CACNA1B: variants seen among roughly 807,000 people sequenced by gnomAD.
CACNA1B encodes the protein voltage-dependent N-type calcium channel subunit alpha-1B.
CACNA1B carries 70 observed loss-of-function variants against 247.2 expected under a neutral mutation model. The observed-to-expected ratio is 0.28, with a 90% CI of 0.23 to 0.35. CACNA1B has a LOEUF of 0.35. Ranked by LOEUF, CACNA1B falls within the 10% of genes least tolerant of loss-of-function variation. The pLI, the probability that CACNA1B is intolerant of heterozygous loss-of-function variation, is 1.00. For synonymous variants in CACNA1B, 1,231 were observed against 1,294.4 expected, an observed-to-expected ratio of 0.95 and a Z score of 1.05; for missense variants, 2,367 against 3,197.4, an observed-to-expected ratio of 0.74 and a Z score of 6.26.
At position 137,880,421 on chromosome 9, in the gene CACNA1B, G is replaced by A. The variant is rs920342232; in HGVS notation, c.390+1262G>A. Among the ~76,000 whole-genome samples, 1 of 152,058 alleles carries A rather than the reference G, an allele frequency of 6.6e-6. No homozygotes were observed. Among genetic ancestry groups the A allele is most frequent in the African/African-American group, 2.4e-5 (1 of 41,398 alleles). ...TTCTGGAGGCTGGAGAAGAGGGTGA[G>A]CTTGAGAGGAAACAGGCAGAGAGCC... On this transcript the variant is annotated intron_variant, in intron 2 of 46. Coordinates refer to ENST00000371372, the MANE Select transcript of CACNA1B (RefSeq NM_000718.4). This position sits in a 1 kb window ranked among gnomAD's most constrained non-coding sequence, Gnocchi z 4.8.
At chr9:137,989,548 G>T (rs969424398) in intron 15 of CACNA1B, among the ~76,000 whole-genome samples, 1 of 152,138 alleles carries the variant, frequency 6.6e-6, no homozygotes, top group African/African-American at 2.4e-5. Flanking sequence ...AATCTTATAC[G>T]CTGCCCTAGA....
intron 36 of CACNA1B, among the ~76,000 whole-genome samples, chr9:138,094,418 T>C (rs1181807778): frequency 7.2e-6 from 1 of 138,912 alleles, no homozygotes; most frequent in African/African-American, 2.6e-5. Context: ...ATGGAAATTT[T>C]TTTGTTATGT....
Position 137,986,707 on chromosome 9 carries a change from G to GCCAA in CACNA1B, c.1902-72_1902-71insACCA. ...TGCAGCCTGAAGCGAGCAGGTTGAG[G>GCCAA]CCACGCTGGAGCCTGCAGGCGCTGC... On this transcript the variant is annotated intron_variant, in intron 14 of 46. Coordinates refer to ENST00000371372, the MANE Select transcript of CACNA1B (RefSeq NM_000718.4). The surrounding 1 kb of genome is among the most constrained non-coding windows in gnomAD (Gnocchi z 6.0). 3.5e-6 allele frequency: 5 copies of GCCAA among 1,420,308 alleles called. No homozygotes were observed. Among genetic ancestry groups the GCCAA allele is most frequent in the Non-Finnish European group, 5.0e-6 (5 of 1,004,392 alleles). The allele number at this position is 1,420,308 out of a possible 1,614,324, so 88.0% of individuals were successfully genotyped here. A position where few individuals can be genotyped will look rare whatever the true frequency, so the allele number is the denominator to read the frequency against.
In CACNA1B at chr9:138,043,880, C is replaced by G. The variant is rs1376922058; in HGVS notation, c.3393C>G (p.Phe1131Leu). The G allele has an allele frequency of 1.2e-6, 2 of 1,613,692 alleles. No homozygotes were observed. Among genetic ancestry groups the G allele is most frequent in the African/African-American group, 2.7e-5 (2 of 74,926 alleles). Residue 1131 changes from phenylalanine (F) to leucine (L), a missense_variant, in exon 21 of 47, where the codon TTC becomes TTG. This residue lies in a region of CACNA1B where 631 missense variants were observed against 631.1 expected (regional missense o/e 1.00). Coordinates refer to ENST00000371372, the MANE Select transcript of CACNA1B (RefSeq NM_000718.4). ...CTATCGTCCCATACAGCTCCATGTTCTGTTTAAGCCCCACCAACCTGTGAG... is the reference window on the plus strand; with the variant it reads ...CTATCGTCCCATACAGCTCCATGTTGTGTTTAAGCCCCACCAACCTGTGAG... ...PRPIVPYSSM[F>L]CLSPTNLLRR...
In CACNA1B at chr9:138,049,310, T is replaced by C. The variant is rs753382451; in HGVS notation, c.3705T>C (p.Ala1235=). 8 of 1,598,910 alleles carry C rather than the reference T, an allele frequency of 5.0e-6. No homozygotes were observed. Among genetic ancestry groups the C allele is most frequent in the Non-Finnish European group, 6.9e-6 (8 of 1,166,258 alleles). The stretch of plus-strand genomic sequence containing the variant: ...TCAGTGGCGCCCTGGTGGCGTTTGC[T>C]TTCTCGTAAGTAACGTTCGCTCTGC... ...IVVSGALVAF[A]FSGSKGKDIN... is the part of the protein sequence containing the mutation. The change falls in exon 24 of 47, where the codon GCT becomes GCC. Residue 1235 remains alanine, a synonymous_variant. Transcript: ENST00000371372.
intron 20 of CACNA1B, among the ~76,000 whole-genome samples, chr9:138,038,255 C>T (rs949960500): frequency 2.6e-5 from 4 of 152,188 alleles, no homozygotes; most frequent in South Asian, 2.1e-4. Flanking sequence ...TCAAGTTGAT[C>T]GTTCTGCCCT....
At chr9:138,003,853 G>A (rs1186101721) in intron 15 of CACNA1B, among the ~76,000 whole-genome samples, 1 of 148,936 alleles carries the variant, frequency 6.7e-6, no homozygotes, top group African/African-American at 2.5e-5. Context: ...AACTCCTGGG[G>A]TCAAGTGATC....
At chr9:137,960,011 G>T (rs908204962) in intron 10 of CACNA1B, among the ~76,000 whole-genome samples, 11 of 151,996 alleles carry the variant, frequency 7.2e-5, no homozygotes, top group Admixed American at 3.3e-4. Flanking sequence ...GACTGCCTTT[G>T]AGTAAAAGAG....
rs201010988 is a variant in CACNA1B at position 137,882,872 on chromosome 9, C to G, written c.519C>G (p.Val173=). Reference sequence around the variant, plus strand: ...GCTGGAACGTCATGGACTTCGTGGTCGTCCTCACAGGGTAGGCAAGCTGAG... The same window carrying G: ...GCTGGAACGTCATGGACTTCGTGGTGGTCCTCACAGGGTAGGCAAGCTGAG... ...RNGWNVMDFV[V]VLTGILATAG... The change falls in exon 3 of 47, where the codon GTC becomes GTG. Residue 173 remains valine, a synonymous_variant. Transcript: ENST00000371372. This position sits in a 1 kb window ranked among gnomAD's most constrained non-coding sequence, Gnocchi z 4.0. The G allele has an allele frequency of 6.2e-7, 1 of 1,613,650 alleles. No individual in the cohort carries two copies.
At chr9:138,038,840 T>C (rs1024963571) in intron 20 of CACNA1B, among the ~76,000 whole-genome samples, 1 of 152,198 alleles carries the variant, frequency 6.6e-6, no homozygotes, top group Non-Finnish European at 1.5e-5. Context: ...TCATCTGTGG[T>C]CATTGCTTCT....
rs745696769 is a variant in CACNA1B at position 138,073,440 on chromosome 9, C to G, written c.4675-48C>G. On this transcript the variant is annotated intron_variant, in intron 32 of 46. Transcript: ENST00000371372. The surrounding 1 kb of genome is among the most constrained non-coding windows in gnomAD (Gnocchi z 6.4). ...TTGTAGGGTGGCAGCAGCTTGCCTG[C>G]GCTTTCGGGGCTTCTGAAGGTCAGA... is the stretch of plus-strand genomic sequence containing the variant. 11 of 1,193,762 alleles carry G rather than the reference C, an allele frequency of 9.2e-6. No homozygotes were observed. In the South Asian group the frequency reaches 1.2e-4, roughly 13 times the overall value. 73.9% of individuals were successfully genotyped at this position (1,193,762 alleles called of 1,614,324 possible). A position where few individuals can be genotyped will look rare whatever the true frequency, so the allele number is the denominator to read the frequency against.
At chr9:137,980,127 C>T (rs1356928455) in intron 12 of CACNA1B, among the ~76,000 whole-genome samples, 1 of 152,188 alleles carries the variant, frequency 6.6e-6, no homozygotes, top group African/African-American at 2.4e-5. Flanking sequence ...AATCTAAAGA[C>T]CTATTTTCGT....
intron 11 of CACNA1B, among the ~76,000 whole-genome samples, chr9:137,972,875 T>C (rs1958171731): frequency 6.6e-6 from 1 of 152,198 alleles, no homozygotes; most frequent in Non-Finnish European, 1.5e-5. Context: ...CTTGTGTACA[T>C]GGAACTGCCT....
chr9:137,913,936 G>A lies in CACNA1B; in HGVS notation c.622+665G>A, dbSNP rs966064181. ...TACCCTGAGACCTTGCCAGGCAATG[G>A]TTCTGGCCCATATCCAAGTGCTGGG... On this transcript the variant is annotated intron_variant, in intron 4 of 46. Coordinates refer to ENST00000371372, the MANE Select transcript of CACNA1B (RefSeq NM_000718.4). The surrounding 1 kb of genome is among the most constrained non-coding windows in gnomAD (Gnocchi z 5.2). Among the ~76,000 whole-genome samples, 9 of 152,220 alleles carry A rather than the reference G, an allele frequency of 5.9e-5. No individual in the cohort carries two copies. Among genetic ancestry groups the A allele is most frequent in the African/African-American group, 2.2e-4 (9 of 41,468 alleles).
rs368097307 is a variant in CACNA1B at position 137,899,516 on chromosome 9, G to A, written c.531-13664G>A. Among the ~76,000 whole-genome samples the A allele has an allele frequency of 4.6e-4, 70 of 152,348 alleles. 1 individual carries two copies. The highest frequency in any genetic ancestry group is 1.6e-3 in the African/African-American group (66 of 41,590). On this transcript the variant is annotated intron_variant, in intron 3 of 46. Transcript: ENST00000371372. This position sits in a 1 kb window ranked among gnomAD's most constrained non-coding sequence, Gnocchi z 5.0. ...GGGGTTGGGGTTCCCCGCATGCCATGCCTAGCTCTTCTTCTCCCCTGTCCT... is the reference window on the plus strand; with the variant it reads ...GGGGTTGGGGTTCCCCGCATGCCATACCTAGCTCTTCTTCTCCCCTGTCCT...
chr9:137,976,394 TG>T (rs1417346822), intron 12 of CACNA1B, among the ~76,000 whole-genome samples: 1 of 152,196 alleles, frequency 6.6e-6, no homozygotes, highest in African/African-American at 2.4e-5. Flanking sequence ...TGGGCAGGCT[TG>T]GGTACATCCA....
At position 137,955,078 on chromosome 9, in the gene CACNA1B, A is replaced by G. The variant is rs972705652; in HGVS notation, c.1071-620A>G. Among the ~76,000 whole-genome samples, 3 of 151,916 alleles carry G rather than the reference A, an allele frequency of 2.0e-5. No homozygotes were observed. The highest frequency in any genetic ancestry group is 7.3e-5 in the African/African-American group (3 of 41,352). On this transcript the variant is annotated intron_variant, in intron 7 of 46. Transcript: ENST00000371372. This position sits in a 1 kb window ranked among gnomAD's most constrained non-coding sequence, Gnocchi z 6.9. ...TGGGGTGAGATGTCGGGGGCCAATG[A>G]CAGAAGGTCTCCTCTCCTGCTCACT... is the stretch of plus-strand genomic sequence containing the variant.
Position 138,120,350 on chromosome 9 carries a change from C to T in CACNA1B, c.6216C>T (p.Ser2072=). 6.4e-7 allele frequency: 1 copy of T among 1,555,674 alleles called. No homozygotes were observed. The highest frequency in any genetic ancestry group is 8.6e-7 in the Non-Finnish European group (1 of 1,156,706). ...AGAGGTCCCTGGAGAAGGGGCCCAG[C>T]CTGTCTGCCGATATGGATGGCGGTG... ...RKQRSLEKGP[S]LSADMDGAPS... The change falls in exon 45 of 47, where the codon AGC becomes AGT. Residue 2072 remains serine, a synonymous_variant. Coordinates refer to ENST00000371372, the MANE Select transcript of CACNA1B (RefSeq NM_000718.4).
chr9:138,009,588 G>A (rs1958698616), intron 16 of CACNA1B, among the ~76,000 whole-genome samples: 1 of 152,226 alleles, frequency 6.6e-6, no homozygotes, highest in Non-Finnish European at 1.5e-5. Context: ...GGAGCTGTTT[G>A]TGGGGAGGCT....
Sources: gnomAD v4.1 joint callset for allele counts (sites outside exome capture counted in the v4.1 genomes callset) on GRCh38, gnomAD v4.1.1 for gene constraint, gnomAD v4.1.1 regional missense constraint, Gnocchi (gnomAD v3.1) non-coding constraint, MANE v1.5 for transcripts, NCBI Gene and HGNC (gene_info 2026-07-23, HGNC 2026-07-21) for gene names.